DGKD: variants seen among roughly 807,000 people sequenced by gnomAD.
The protein encoded by DGKD is diacylglycerol kinase delta.
A neutral mutation model predicts 154.4 loss-of-function variants in DGKD; 68 were observed. That is an observed-to-expected ratio of 0.44 (90% CI 0.36 to 0.54). DGKD has a LOEUF of 0.54. Ranked by LOEUF, DGKD falls within the 20% of genes least tolerant of loss-of-function variation. The pLI is 0.00. For missense variants in DGKD, 1,343 were observed against 1,593.6 expected, an observed-to-expected ratio of 0.84 and a Z score of 2.68; for synonymous variants, 693 against 638.0, an observed-to-expected ratio of 1.09 and a Z score of -1.30.
intron 3 of DGKD, among the ~76,000 whole-genome samples, chr2:233,426,563 CAG>C (rs1382628276): frequency 6.6e-6 from 1 of 152,164 alleles, no homozygotes; most frequent in East Asian, 1.9e-4. Context: ...GGAAATTACA[CAG>C]AGTATATGTC....
At chr2:233,447,517 T>A (rs866472886) in intron 12 of DGKD, 225 of 985,132 alleles carry the variant, frequency 2.3e-4, no homozygotes, top group Admixed American at 9.8e-4. Flanking sequence ...TTCCTTTTTT[T>A]AAAAAAAAAT....
intron 1 of DGKD, among the ~76,000 whole-genome samples, chr2:233,378,496 C>T (rs538652030): frequency 5.9e-5 from 9 of 151,988 alleles, no homozygotes; most frequent in Non-Finnish European, 8.8e-5. Flanking sequence ...GCTATCCTCC[C>T]GCCTCAGCCT....
At chr2:233,361,046 T>G (rs11676845) in intron 1 of DGKD, among the ~76,000 whole-genome samples, 16,524 of 81,158 alleles carry the variant, frequency 0.2, 1,040 homozygotes, top group South Asian at 0.26. Context: ...ATGGCAGCCC[T>G]AGGGCAGCCC....
At chr2:233,355,078 C>A (rs562556803) in intron 1 of DGKD, among the ~76,000 whole-genome samples, 1 of 152,078 alleles carries the variant, frequency 6.6e-6, no homozygotes, top group Non-Finnish European at 1.5e-5. Flanking sequence ...GGTCCCCAAA[C>A]CCCGGTTCTG....
chr2:233,358,714 G>T (rs912970723), intron 1 of DGKD, among the ~76,000 whole-genome samples: 8 of 152,116 alleles, frequency 5.3e-5, no homozygotes, highest in African/African-American at 1.9e-4. Flanking sequence ...TCCATGTCAT[G>T]GCATGTATCG....
At position 233,454,912 on chromosome 2, in the gene DGKD, C is replaced by G. The variant is rs201616092; in HGVS notation, c.2375+39C>G. Reference sequence around the variant, plus strand: ...TCAGGAGCACGTCTGTCTTTTGCGTCTTTGTGGCTTCTCCTTCCAGACAGT... The same window carrying G: ...TCAGGAGCACGTCTGTCTTTTGCGTGTTTGTGGCTTCTCCTTCCAGACAGT... On this transcript the variant is annotated intron_variant, in intron 19 of 29. Transcript: ENST00000264057. 2.2e-4 allele frequency: 291 copies of G among 1,301,886 alleles called. 1 individual carries two copies. The highest frequency in any genetic ancestry group is 2.6e-4 in the Non-Finnish European group (230 of 899,290). 80.6% of individuals were successfully genotyped at this position (1,301,886 alleles called of 1,614,324 possible). A position where few individuals can be genotyped will look rare whatever the true frequency, so the allele number is the denominator to read the frequency against.
chr2:233,449,048 T>C lies in DGKD; in HGVS notation c.1615-55T>C. 1 of 1,529,402 alleles carries C rather than the reference T, an allele frequency of 6.5e-7. No homozygotes were observed. Among genetic ancestry groups the C allele is most frequent in the South Asian group, 1.2e-5 (1 of 80,474 alleles). 94.7% of individuals were successfully genotyped at this position (1,529,402 alleles called of 1,614,324 possible). ...GTGAAATGGCCTGAGGTTCCCTGCC[T>C]GCAGACCCTGTTCTCCTGCCTCAGC... On this transcript the variant is annotated intron_variant, in intron 14 of 29. Coordinates refer to ENST00000264057, the MANE Select transcript of DGKD (RefSeq NM_152879.3). The surrounding 1 kb of genome is among the most constrained non-coding windows in gnomAD (Gnocchi z 5.3).
At chr2:233,464,799 TG>T (rs2063776822) in intron 27 of DGKD, among the ~76,000 whole-genome samples, 1 of 151,844 alleles carries the variant, frequency 6.6e-6, no homozygotes, top group Non-Finnish European at 1.5e-5. Flanking sequence ...CTGCAGGGAG[TG>T]CTGGCTGAAG....
intron 3 of DGKD, among the ~76,000 whole-genome samples, chr2:233,395,248 G>A (rs1703928996): frequency 6.6e-6 from 1 of 152,168 alleles, no homozygotes; most frequent in Non-Finnish European, 1.5e-5. Flanking sequence ...ATGGCTCACT[G>A]CAGCTTCGAC....
At position 233,471,943 on chromosome 2, in the gene DGKD, G is replaced by A. The variant is rs931497037; in HGVS notation, c.*2483G>A. On this transcript the variant is annotated 3_prime_UTR_variant, in exon 30 of 30. Coordinates refer to ENST00000264057, the MANE Select transcript of DGKD (RefSeq NM_152879.3). ...TTGGAGAAAAGGTTCTGTGCCCTCA[G>A]GTGGGGCTTACCCCCTCGTATTTAT... is the stretch of plus-strand genomic sequence containing the variant. The A allele has an allele frequency of 1.3e-5, 2 of 152,394 alleles. No homozygotes were observed. The highest frequency in any genetic ancestry group is 6.5e-5 in the Admixed American group (1 of 15,288). 9.4% of individuals were successfully genotyped at this position (152,394 alleles called of 1,614,324 possible).
Position 233,424,113 on chromosome 2 carries a change from C to T in DGKD, c.349-10267C>T, listed in dbSNP as rs556716848. ...TTGTGCCTCTACCCATCCCTGCTCG[C>T]TCGTCATGACCGTTGGACCGTTGTG... is the stretch of plus-strand genomic sequence containing the variant. On this transcript the variant is annotated intron_variant, in intron 3 of 29. Transcript: ENST00000264057. 1.5e-4 allele frequency among the ~76,000 whole-genome samples: 23 copies of T among 152,302 alleles called. No individual in the cohort carries two copies. In the South Asian group the frequency reaches 2.3e-3, roughly 15 times the overall value.
At chr2:233,393,428 C>G (rs1460177058) in intron 3 of DGKD, among the ~76,000 whole-genome samples, 1 of 149,736 alleles carries the variant, frequency 6.7e-6, no homozygotes, top group Non-Finnish European at 1.5e-5. Flanking sequence ...CCTCTTCTTC[C>G]TGGGTTAAAG....
intron 12 of DGKD, 74 bp downstream of exon 12, chr2:233,446,870 C>T (rs1189828841): frequency 6.4e-7 from 1 of 1,553,032 alleles, no homozygotes; most frequent in Non-Finnish European, 8.8e-7. Flanking sequence ...CGGTTTGCAT[C>T]ACCTCCCTTG....
In DGKD at chr2:233,436,438, C is replaced by T. The variant is rs751573608; in HGVS notation, c.816C>T (p.Ala272=). The T allele has an allele frequency of 1.1e-5, 17 of 1,612,558 alleles. No individual in the cohort carries two copies. The highest frequency in any genetic ancestry group is 1.4e-5 in the Non-Finnish European group (17 of 1,179,862). The change falls in exon 7 of 30, where the codon GCC becomes GCT. Residue 272 remains alanine, a synonymous_variant. Transcript: ENST00000264057. ...LQDWRCLWCK[A]MVHTSCKESL... ...ACTGGCGCTGCCTCTGGTGCAAGGC[C>T]ATGGTGAGTGTGGGCCCTGCGCCCG...
At chr2:233,382,783 T>C (rs1262524878) in intron 1 of DGKD, among the ~76,000 whole-genome samples, 2 of 152,234 alleles carry the variant, frequency 1.3e-5, no homozygotes, top group Admixed American at 6.5e-5. Context: ...CCTTTACCAT[T>C]TTACATGCAG....
intron 3 of DGKD, among the ~76,000 whole-genome samples, chr2:233,407,158 TCTC>T (rs2061707061): frequency 6.6e-6 from 1 of 152,208 alleles, no homozygotes; most frequent in South Asian, 2.1e-4. Context: ...TAGTTTCTAA[TCTC>T]CACCACCAGT....
intron 1 of DGKD, among the ~76,000 whole-genome samples, chr2:233,363,959 T>C (rs903074562): frequency 6.6e-6 from 1 of 152,218 alleles, no homozygotes; most frequent in Non-Finnish European, 1.5e-5. Context: ...ATATGCTCAT[T>C]GTTAAGCAAC....
intron 3 of DGKD, among the ~76,000 whole-genome samples, chr2:233,421,816 T>A (rs2062125257): frequency 6.6e-6 from 1 of 152,272 alleles, no homozygotes; most frequent in South Asian, 2.1e-4. Context: ...ATTTACTGCC[T>A]GCATTCAAAT....
At chr2:233,419,115 A>G in intron 3 of DGKD, 1 of 520,376 alleles carries the variant, frequency 1.9e-6, no homozygotes, top group Non-Finnish European at 2.5e-6. Context: ...ACAGGAAGTG[A>G]CAGAAATGAC....
Sources: gnomAD v4.1 joint callset for allele counts (sites outside exome capture counted in the v4.1 genomes callset) on GRCh38, gnomAD v4.1.1 for gene constraint, Gnocchi (gnomAD v3.1) non-coding constraint, MANE v1.5 for transcripts, NCBI Gene and HGNC (gene_info 2026-07-23, HGNC 2026-07-21) for gene names.